The following PCDHGB5 variants were observed in gnomAD, a reference collection of about 807,000 sequenced individuals.
PCDHGB5 encodes the protein protocadherin gamma subfamily B, 5.
A neutral mutation model predicts 62.9 loss-of-function variants in PCDHGB5; 48 were observed. That is an observed-to-expected ratio of 0.76 (90% CI 0.61 to 0.97). PCDHGB5 has a LOEUF of 0.97. PCDHGB5 is among the 50% of genes least tolerant of loss of function. The pLI is 0.00. For synonymous variants in PCDHGB5, 474 were observed against 511.2 expected (o/e 0.93, Z 0.98); for missense variants, 1,118 against 1,198.6 (o/e 0.93, Z 0.99).
Position 141,477,771 on chromosome 5 carries a change from G to A in PCDHGB5, c.2398-17036G>A. 1 of 1,613,992 alleles carries A rather than the reference G, an allele frequency of 6.2e-7. No homozygotes were observed. The highest frequency in any genetic ancestry group is 1.3e-5 in the African/African-American group (1 of 75,054). ...ACCCCGGTCCTAGCCACCAACATCA[G>A]CGTGAACATATTTGTCACTGATCGC... On this transcript the variant is annotated intron_variant, in intron 1 of 3. Transcript: ENST00000617380. This position sits in a 1 kb window ranked among gnomAD's most constrained non-coding sequence, Gnocchi z 4.9.
Position 141,491,713 on chromosome 5 carries a change from G to T in PCDHGB5, c.2398-3094G>T. The T allele has an allele frequency of 6.2e-7, 1 of 1,609,174 alleles. No individual in the cohort carries two copies. The highest frequency in any genetic ancestry group is 8.5e-7 in the Non-Finnish European group (1 of 1,178,054). On this transcript the variant is annotated intron_variant, in intron 1 of 3. Transcript: ENST00000617380. The surrounding 1 kb of genome is among the most constrained non-coding windows in gnomAD (Gnocchi z 6.9). ...GGAGCGGAGCCAGGTGAGGGGCTCG[G>T]CGCCGCCCCGGGCGACCCCTGGGGG...
chr5:141,429,169 T>TACGC (rs2097190400), intron 1 of PCDHGB5: 1 of 145,394 alleles, frequency 6.9e-6, no homozygotes, highest in Non-Finnish European at 1.5e-5. Flanking sequence ...ACATTGTTTA[T>TACGC]ACACACACAC....
chr5:141,404,909 CCT>C (rs1243432357), intron 1 of PCDHGB5: 1 of 1,613,798 alleles, frequency 6.2e-7, no homozygotes, highest in Admixed American at 1.7e-5. Flanking sequence ...TGGCCAGCCC[CCT>C]CTCTCGGCCA....
chr5:141,405,621 C>T lies in PCDHGB5; in HGVS notation c.2397+5097C>T, dbSNP rs2094693815. 9.2e-6 allele frequency: 5 copies of T among 543,194 alleles called. No individual in the cohort carries two copies. In the South Asian group the frequency reaches 1.0e-4, roughly 11 times the overall value. 33.6% of individuals were successfully genotyped at this position (543,194 alleles called of 1,614,324 possible). ...AGTAGAATAACTGGGACTACAGGCA[C>T]GTGCCACCACGCCCGGCTAATTTTT... On this transcript the variant is annotated intron_variant, in intron 1 of 3. Coordinates refer to ENST00000617380, the MANE Select transcript of PCDHGB5 (RefSeq NM_018925.3).
chr5:141,478,336 C>T, intron 1 of PCDHGB5: 2 of 1,613,950 alleles, frequency 1.2e-6, no homozygotes, highest in South Asian at 2.2e-5. Context: ...CACCAGGGCC[C>T]TCCTTGCACG....
intron 2 of PCDHGB5, among the ~76,000 whole-genome samples, chr5:141,495,936 T>C (rs1329369782): frequency 6.6e-6 from 1 of 152,206 alleles, no homozygotes; most frequent in Non-Finnish European, 1.5e-5. Flanking sequence ...GTCTCTGGTC[T>C]CTGTGCCTGT....
intron 1 of PCDHGB5, chr5:141,405,448 C>A: frequency 5.3e-6 from 7 of 1,314,660 alleles, no homozygotes; most frequent in South Asian, 1.3e-5. Context: ...GAGACAGAGT[C>A]TTACTCTGTT....
intron 1 of PCDHGB5, among the ~76,000 whole-genome samples, chr5:141,472,555 A>T (rs1360460094): frequency 6.6e-6 from 1 of 152,024 alleles, no homozygotes; most frequent in South Asian, 2.1e-4. Flanking sequence ...AAAAAAAATT[A>T]TATTATAAAT....
rs764482722 is a variant in PCDHGB5 at position 141,432,066 on chromosome 5, C to T, written c.2397+31542C>T. 62 of 1,614,062 alleles carry T rather than the reference C, an allele frequency of 3.8e-5. No individual in the cohort carries two copies. The highest frequency in any genetic ancestry group is 5.2e-5 in the Non-Finnish European group (61 of 1,180,046). On this transcript the variant is annotated intron_variant, in intron 1 of 3. Coordinates refer to ENST00000617380, the MANE Select transcript of PCDHGB5 (RefSeq NM_018925.3). The surrounding 1 kb of genome is among the most constrained non-coding windows in gnomAD (Gnocchi z 6.0). ...GGAACCCCGCCCCTATCCACGGAAA[C>T]TCATATCTCGCTGAACGTGGCAGAC...
intron 1 of PCDHGB5, chr5:141,408,226 G>T (rs909432449): frequency 2.1e-5 from 33 of 1,562,288 alleles, no homozygotes; most frequent in Admixed American, 3.9e-5. Flanking sequence ...GCGCGCAGAG[G>T]CGCCGGGCCG....
At chr5:141,437,741 CTT>C (rs35124340) in intron 1 of PCDHGB5, among the ~76,000 whole-genome samples, 17 of 141,612 alleles carry the variant, frequency 1.2e-4, no homozygotes, top group Admixed American at 2.1e-4. Flanking sequence ...TTGAGTTCAC[CTT>C]TTTTTTTTTT....
rs1033888717 is a variant in PCDHGB5 at position 141,512,540 on chromosome 5, T to C, written c.*1367T>C. 6.5e-6 allele frequency: 1 copy of C among 152,886 alleles called. No homozygotes were observed. Among genetic ancestry groups the C allele is most frequent in the African/African-American group, 2.4e-5 (1 of 41,476 alleles). 9.5% of individuals were successfully genotyped at this position (152,886 alleles called of 1,614,324 possible). ...CCATAGCCTGGTTAAAGTTCCCCAGTGCCTCCTTGTGCATAGACCTTCTTC... is the reference window on the plus strand; with the variant it reads ...CCATAGCCTGGTTAAAGTTCCCCAGCGCCTCCTTGTGCATAGACCTTCTTC... On this transcript the variant is annotated 3_prime_UTR_variant, in exon 4 of 4. Transcript: ENST00000617380.
chr5:141,426,817 C>G (rs942714141), intron 1 of PCDHGB5: 4 of 456,594 alleles, frequency 8.8e-6, no homozygotes, highest in Non-Finnish European at 1.8e-5. Flanking sequence ...GAACATTTCT[C>G]TCTGATGATG....
In PCDHGB5 at chr5:141,400,157, C is replaced by G. The variant is rs778405500; in HGVS notation, c.2030C>G (p.Pro677Arg). 3.7e-6 allele frequency: 6 copies of G among 1,614,050 alleles called. No individual in the cohort carries two copies. The highest frequency in any genetic ancestry group is 1.3e-5 in the African/African-American group (1 of 75,062). Residue 677 changes from proline to arginine, a missense_variant, in exon 1 of 4, where the codon CCC becomes CGC. Around this residue, in one of 2 missense-constraint regions of PCDHGB5, gnomAD observed 1,034 missense variants for 1,029.1 expected, o/e 1.00. Transcript: ENST00000617380. The part of the protein sequence containing the change: ...VLPDITDRPV[P>R]SDPQAELQFY... ...CCGGATATCACTGACCGCCCTGTACCCTCTGACCCCCAGGCTGAGCTGCAG... is the reference window on the plus strand; with the variant it reads ...CCGGATATCACTGACCGCCCTGTACGCTCTGACCCCCAGGCTGAGCTGCAG...
intron 3 of PCDHGB5, among the ~76,000 whole-genome samples, chr5:141,506,300 T>G (rs2099852124): frequency 6.6e-6 from 1 of 151,976 alleles, no homozygotes; most frequent in East Asian, 1.9e-4. Flanking sequence ...AATACAAAAA[T>G]TAGCTGGGCA....
chr5:141,415,435 C>G, intron 1 of PCDHGB5: 1 of 1,614,202 alleles, frequency 6.2e-7, no homozygotes. Flanking sequence ...TCGGGCTTTC[C>G]TGCAGACCTA....
intron 1 of PCDHGB5, chr5:141,419,208 C>G: frequency 5.6e-6 from 9 of 1,613,966 alleles, no homozygotes; most frequent in Non-Finnish European, 6.8e-6. Flanking sequence ...GACAACGCGC[C>G]GGTTTTCGGA....
At position 141,476,675 on chromosome 5, in the gene PCDHGB5, C is replaced by T. The variant is rs2099395961; in HGVS notation, c.2398-18132C>T. On this transcript the variant is annotated intron_variant, in intron 1 of 3. Transcript: ENST00000617380. The surrounding 1 kb of genome is among the most constrained non-coding windows in gnomAD (Gnocchi z 7.6). ...ATACTTTGCGCTTCGCGTGCAGACG[C>T]GGGAGGACAGCACCAAGTACGCGGA... 1.2e-6 allele frequency: 2 copies of T among 1,614,124 alleles called. No homozygotes were observed. The highest frequency in any genetic ancestry group is 8.5e-7 in the Non-Finnish European group (1 of 1,180,062).
At chr5:141,413,922 A>G (rs769177990) in intron 1 of PCDHGB5, 2 of 1,613,458 alleles carry the variant, frequency 1.2e-6, no homozygotes, top group Non-Finnish European at 1.7e-6. Context: ...TCACCTTGCC[A>G]GAATACCGAG....
Sources: allele counts gnomAD v4.1 joint callset (sites outside exome capture counted in the v4.1 genomes callset), GRCh38; gene constraint gnomAD v4.1.1; regional missense constraint gnomAD v4.1.1; non-coding constraint Gnocchi (gnomAD v3.1); transcripts MANE v1.5; gene names NCBI Gene and HGNC (gene_info 2026-07-23, HGNC 2026-07-21).